CHD5: variants seen among roughly 807,000 people sequenced by gnomAD.
CHD5 encodes the protein ATP-dependent chromatin remodeler CHD5.
In CHD5, 69 loss-of-function variants were observed where a neutral mutation model predicts 230.3. The ratio of observed to expected loss-of-function variants is 0.30; its 90% CI spans 0.25 to 0.37. The LOEUF is 0.37. CHD5 is among the 10% of genes least tolerant of loss of function. CHD5 has a pLI of 1.00. For missense variants in CHD5, 1,827 were observed against 2,622.8 expected (o/e 0.70, Z 6.63); for synonymous variants, 1,064 against 1,065.9 (o/e 1.00, Z 0.03).
Position 6,106,462 on chromosome 1 carries a change from G to A in CHD5, c.5790C>T (p.Asn1930=). ...TCCCTCCCGGTCCAGGGCCCCGGAAGTTGGGCCCAAAGTTGTTGCTGTACA... is the reference window on the plus strand; with the variant it reads ...TCCCTCCCGGTCCAGGGCCCCGGAAATTGGGCCCAAAGTTGTTGCTGTACA... ...SQMYSNNFGP[N]FRGPGPGGIV... The change falls in exon 40 of 42, where the codon AAC becomes AAT. Residue 1930 remains asparagine, a synonymous_variant. Transcript: ENST00000262450. The A allele has an allele frequency of 1.3e-6, 2 of 1,561,208 alleles. No homozygotes were observed. Among genetic ancestry groups the A allele is most frequent in the Non-Finnish European group, 1.7e-6 (2 of 1,152,994 alleles).
At position 6,134,684 on chromosome 1, in the gene CHD5, T is replaced by G. The variant is rs1666712518; in HGVS notation, c.3012+34A>C. 1 of 1,611,380 alleles carries G rather than the reference T, an allele frequency of 6.2e-7. No individual in the cohort carries two copies. Among genetic ancestry groups the G allele is most frequent in the Non-Finnish European group, 8.5e-7 (1 of 1,177,940 alleles). On this transcript the variant is annotated intron_variant, in intron 19 of 41. Transcript: ENST00000262450. This position sits in a 1 kb window ranked among gnomAD's most constrained non-coding sequence, Gnocchi z 6.3. The stretch of plus-strand genomic sequence containing the variant: ...CCACAGGCACCTACCATGGCGGTCA[T>G]GGAGAAGCTGCCATGATGGCCGGGG...
At chr1:6,163,453 C>T (rs911197057) in intron 2 of CHD5, among the ~76,000 whole-genome samples, 2 of 152,158 alleles carry the variant, frequency 1.3e-5, no homozygotes, top group South Asian at 4.2e-4. Flanking sequence ...AGGGGCTGGC[C>T]GAGGGTGGGG....
At chr1:6,176,097 CCCACTGGCCAAG>C (rs1489841910) in intron 1 of CHD5, among the ~76,000 whole-genome samples, 1 of 152,102 alleles carries the variant, frequency 6.6e-6, no homozygotes, top group African/African-American at 2.4e-5. Flanking sequence ...CAATGAATAA[CCCACTGGCCAAG>C]CCACTGGGCA....
chr1:6,124,683 G>A, intron 29 of CHD5, 22 bp from the exon 30 acceptor site: 1 of 1,277,544 alleles, frequency 7.8e-7, no homozygotes, highest in East Asian at 2.6e-5. Context: ...GGGGGGGACT[G>A]GGGCTCAGGG....
intron 11 of CHD5, among the ~76,000 whole-genome samples, chr1:6,144,575 C>A (rs886526269): frequency 6.6e-6 from 1 of 152,188 alleles, no homozygotes; most frequent in Non-Finnish European, 1.5e-5. Context: ...GCAGTGCCCA[C>A]GTAGGGTGAG....
rs1557536879 is a variant in CHD5, at chr1:6,112,169, ATGAACT to A, written c.5105_5110del (p.Lys1702_Phe1703del). On this transcript the variant is annotated inframe_deletion, in exon 35 of 42. Transcript: ENST00000262450. ...GAAGCCCCCGTCCGCGATGTTGAAC[ATGAACT>A]TGAATTTCCCCTTCTTGTCCTCCTT... The A allele has an allele frequency of 1.9e-6, 3 of 1,614,110 alleles. No homozygotes were observed. The highest frequency in any genetic ancestry group is 2.5e-6 in the Non-Finnish European group (3 of 1,180,018).
chr1:6,114,328 CGACGCACAG>C (rs1415077359), intron 33 of CHD5, among the ~76,000 whole-genome samples: 4 of 151,962 alleles, frequency 2.6e-5, no homozygotes, highest in Non-Finnish European at 5.9e-5. Flanking sequence ...CCCCACCAGC[CGACGCACAG>C]GAAGCAGACA....
chr1:6,172,272 T>G (rs1667350349), intron 1 of CHD5, among the ~76,000 whole-genome samples: 1 of 152,242 alleles, frequency 6.6e-6, no homozygotes, highest in African/African-American at 2.4e-5. Context: ...GACTGATTAA[T>G]TTGTATCAGT....
In CHD5 at chr1:6,126,363, C is replaced by A. The variant is rs1352887565; in HGVS notation, c.4078+209G>T. On this transcript the variant is annotated intron_variant, in intron 26 of 41. Transcript: ENST00000262450. The surrounding 1 kb of genome is among the most constrained non-coding windows in gnomAD (Gnocchi z 5.7). ...ACTCGCCCAGCTCTCCCGGCCCGCA[C>A]CTCCCGGGGGTTCTGCACAGGGATG... 2.0e-5 allele frequency among the ~76,000 whole-genome samples: 3 copies of A among 150,176 alleles called. No homozygotes were observed. The East Asian group carries it at 6.0e-4, about 30-fold the overall frequency.
Position 6,134,924 on chromosome 1 carries a change from C to G in CHD5, c.2871-65G>C, listed in dbSNP as rs887990199. ...CGCCTCCATGAGGGCTCTCTCTGCT[C>G]TGCAGTGGGGCTGGAAGCTGGTGGC... On this transcript the variant is annotated intron_variant, in intron 18 of 41. Transcript: ENST00000262450. The surrounding 1 kb of genome is among the most constrained non-coding windows in gnomAD (Gnocchi z 6.3). The G allele has an allele frequency of 1.3e-6, 2 of 1,596,690 alleles. No homozygotes were observed. Among genetic ancestry groups the G allele is most frequent in the African/African-American group, 1.3e-5 (1 of 74,526 alleles).
In CHD5 at chr1:6,104,675, C is replaced by CG; in HGVS notation, c.*798dup. ...TACGCTTCTGCCTGCTGTGAAGAGC[C>CG]GGGGCCACAGGCCCCCCACTGGTAA... On this transcript the variant is annotated 3_prime_UTR_variant, in exon 42 of 42. Transcript: ENST00000262450. The CG allele has an allele frequency of 6.7e-6, 1 of 148,154 alleles. No individual in the cohort carries two copies. The highest frequency in any genetic ancestry group is 2.1e-4 in the East Asian group (1 of 4,708). 9.2% of individuals were successfully genotyped at this position (148,154 alleles called of 1,614,324 possible). A position where few individuals can be genotyped will look rare whatever the true frequency, so the allele number is the denominator to read the frequency against.
chr1:6,158,585 G>C (rs1006935047), intron 3 of CHD5, among the ~76,000 whole-genome samples: 2 of 152,214 alleles, frequency 1.3e-5, no homozygotes, highest in African/African-American at 4.8e-5. Context: ...TAAGGCAGGA[G>C]CCACTGCACT....
In CHD5 at chr1:6,130,106, T is replaced by C. The variant is rs1170097124; in HGVS notation, c.3387+98A>G. 3.6e-6 allele frequency: 5 copies of C among 1,388,770 alleles called. No homozygotes were observed. Among genetic ancestry groups the C allele is most frequent in the Non-Finnish European group, 5.0e-6 (5 of 997,962 alleles). 86.0% of individuals were successfully genotyped at this position (1,388,770 alleles called of 1,614,324 possible). A position where few individuals can be genotyped will look rare whatever the true frequency, so the allele number is the denominator to read the frequency against. ...GGGAGGCCCACAGCACCAGGATAGG[T>C]GAGGGGGTGATGGCAAGAAGGGCAT... On this transcript the variant is annotated intron_variant, in intron 22 of 41. Transcript: ENST00000262450. The surrounding 1 kb of genome is among the most constrained non-coding windows in gnomAD (Gnocchi z 4.9).
rs745458095 is a variant in CHD5 at position 6,128,011 on chromosome 1, G to T, written c.3903+35C>A. On this transcript the variant is annotated intron_variant, in intron 25 of 41. Coordinates refer to ENST00000262450, the MANE Select transcript of CHD5 (RefSeq NM_015557.3). The surrounding 1 kb of genome is among the most constrained non-coding windows in gnomAD (Gnocchi z 7.8). ...GGGGGCGGGGCTGCGGATGGAGGGC[G>T]GGGCTGCGGATGGAGGGCGGGCCGG... 1 of 1,538,872 alleles carries T rather than the reference G, an allele frequency of 6.5e-7. No individual in the cohort carries two copies. Among genetic ancestry groups the T allele is most frequent in the East Asian group, 2.4e-5 (1 of 42,470 alleles).
Position 6,102,005 on chromosome 1 carries a change from C to G in CHD5, c.*3469G>C. On this transcript the variant is annotated 3_prime_UTR_variant, in exon 42 of 42. Transcript: ENST00000262450. Reference sequence around the variant, plus strand: ...ACTCCTGGCGCGCCTTGCACCCAGCCCAGGGCCCTCCCTTTGCCAGCCTGG... The same window carrying G: ...ACTCCTGGCGCGCCTTGCACCCAGCGCAGGGCCCTCCCTTTGCCAGCCTGG... The G allele has an allele frequency of 2.5e-6, 1 of 393,876 alleles. No homozygotes were observed. The highest frequency in any genetic ancestry group is 5.1e-6 in the Non-Finnish European group (1 of 196,666). The allele number at this position is 393,876 out of a possible 1,614,324, so 24.4% of individuals were successfully genotyped here.
In CHD5 at chr1:6,155,395, G is replaced by A. The variant is rs1040595715; in HGVS notation, c.506+204C>T. 6.6e-6 allele frequency among the ~76,000 whole-genome samples: 1 copy of A among 152,178 alleles called. No homozygotes were observed. Among genetic ancestry groups the A allele is most frequent in the Non-Finnish European group, 1.5e-5 (1 of 68,032 alleles). On this transcript the variant is annotated intron_variant, in intron 4 of 41. Coordinates refer to ENST00000262450, the MANE Select transcript of CHD5 (RefSeq NM_015557.3). This position sits in a 1 kb window ranked among gnomAD's most constrained non-coding sequence, Gnocchi z 4.0. ...AGGGGAAGAGACTCAAGGGCTGAGG[G>A]GCAGGGCCCACAAGGGAAGGCCTGG... is the stretch of plus-strand genomic sequence containing the variant.
At position 6,136,029 on chromosome 1, in the gene CHD5, A is replaced by AC. The variant is rs201044754; in HGVS notation, c.2696+487_2696+488insG. Among the ~76,000 whole-genome samples the AC allele has an allele frequency of 6.1e-3, 693 of 113,732 alleles. 8 individuals carry two copies. Among genetic ancestry groups the AC allele is most frequent in the African/African-American group, 0.02 (652 of 32,012 alleles). The allele number at this position is 113,732 out of a possible 152,430, so 74.6% of individuals were successfully genotyped here. A position where few individuals can be genotyped will look rare whatever the true frequency, so the allele number is the denominator to read the frequency against. On this transcript the variant is annotated intron_variant, in intron 17 of 41. Transcript: ENST00000262450. ...TTTCTTTTAATAAAAAAAAACAACA[A>AC]AAAAAAAAAACACTGCATCTCCTGA...
At chr1:6,158,331 G>A (rs1340695629) in intron 3 of CHD5, among the ~76,000 whole-genome samples, 1 of 152,246 alleles carries the variant, frequency 6.6e-6, no homozygotes, top group Non-Finnish European at 1.5e-5. Flanking sequence ...GAGACTCCGG[G>A]AATGCCTGCT....
At chr1:6,110,275 C>A in intron 37 of CHD5, 119 bp downstream of exon 37, 1 of 1,182,134 alleles carries the variant, frequency 8.5e-7, no homozygotes, top group Non-Finnish European at 1.2e-6. Flanking sequence ...TGCTTCGTGG[C>A]AGCGTGACCC....
Sources: gnomAD v4.1 joint callset for allele counts (sites outside exome capture counted in the v4.1 genomes callset) on GRCh38, gnomAD v4.1.1 for gene constraint, Gnocchi (gnomAD v3.1) non-coding constraint, MANE v1.5 for transcripts, NCBI Gene and HGNC (gene_info 2026-07-23, HGNC 2026-07-21) for gene names.